SH3BGRL2: variants seen among roughly 807,000 people sequenced by gnomAD.
SH3BGRL2 encodes the protein SH3 domain-binding glutamic acid-rich-like protein 2.
A neutral mutation model predicts 14.8 loss-of-function variants in SH3BGRL2; 21 were observed. The ratio of observed to expected loss-of-function variants is 1.42; its 90% confidence interval spans 1.01 to 2.05. The LOEUF is 2.05. Among genes scored for constraint, SH3BGRL2 ranks in the 30% most tolerant of loss-of-function variants. SH3BGRL2 has a pLI of 0.00. For missense variants in SH3BGRL2, 147 were observed against 130.8 expected (o/e 1.12, Z -0.61); for synonymous variants, 50 against 47.8 (o/e 1.05, Z -0.19).
the SH3BGRL2 span, among the ~76,000 whole-genome samples, chr6:79,593,010 G>A: frequency 6.6e-6 from 1 of 152,142 alleles, no homozygotes; most frequent in African/African-American, 2.4e-5. Context: ...TTACAAATAG[G>A]TGAATTTAAA....
chr6:79,609,060 T>G, the SH3BGRL2 span, among the ~76,000 whole-genome samples: 4 of 152,140 alleles, frequency 2.6e-5, no homozygotes, highest in Non-Finnish European at 5.9e-5. Flanking sequence ...CCAGGCAGGA[T>G]GGAGATTCAA....
chr6:79,652,150 G>A (rs1365296755), intron 1 of SH3BGRL2, among the ~76,000 whole-genome samples: 1 of 152,128 alleles, frequency 6.6e-6, no homozygotes, highest in East Asian at 1.9e-4. Flanking sequence ...ATAGAACTTG[G>A]ATAGGAAGTA....
chr6:79,579,282 T>G, the SH3BGRL2 span, among the ~76,000 whole-genome samples: 1 of 152,088 alleles, frequency 6.6e-6, no homozygotes, highest in African/African-American at 2.4e-5. Context: ...ACATTAAAAT[T>G]CAGGAAATAC....
At chr6:79,576,037 T>A in the SH3BGRL2 span, among the ~76,000 whole-genome samples, 2 of 152,168 alleles carry the variant, frequency 1.3e-5, no homozygotes, top group Non-Finnish European at 2.9e-5. Context: ...AACATTGCTA[T>A]GTAACTAGCA....
At chr6:79,699,406 C>T (rs1770402567) in intron 3 of SH3BGRL2, 92 bp from the exon 4 acceptor site, 1 of 1,354,758 alleles carries the variant, frequency 7.4e-7, no homozygotes, top group Non-Finnish European at 9.7e-7. Flanking sequence ...CTGTTCCTGA[C>T]ATTTAAAAAA....
chr6:79,578,108 A>G, the SH3BGRL2 span, among the ~76,000 whole-genome samples: 1 of 152,222 alleles, frequency 6.6e-6, no homozygotes, highest in African/African-American at 2.4e-5. Flanking sequence ...AGGTAAACAA[A>G]GCAGCCGGGA....
chr6:79,636,224 C>G (rs1183348814), intron 1 of SH3BGRL2, among the ~76,000 whole-genome samples: 1 of 152,132 alleles, frequency 6.6e-6, no homozygotes, highest in Non-Finnish European at 1.5e-5. Flanking sequence ...TTAGTCAAAC[C>G]CTGGTGGGCA....
chr6:79,586,200 A>C, the SH3BGRL2 span, among the ~76,000 whole-genome samples: 1 of 151,118 alleles, frequency 6.6e-6, no homozygotes, highest in Admixed American at 6.6e-5. Flanking sequence ...CTGTCTCAAA[A>C]AAAAAAAAAA....
At chr6:79,597,319 G>GAA in the SH3BGRL2 span, among the ~76,000 whole-genome samples, 1 of 142,230 alleles carries the variant, frequency 7.0e-6, no homozygotes, top group Non-Finnish European at 1.5e-5. Flanking sequence ...GAAAGAAAGA[G>GAA]AAAAGAAAAG....
chr6:79,585,097 C>T, the SH3BGRL2 span, among the ~76,000 whole-genome samples: 1 of 148,162 alleles, frequency 6.7e-6, no homozygotes, highest in African/African-American at 2.5e-5. Flanking sequence ...AATAAAAACA[C>T]ATTATATAAA....
chr6:79,605,100 T>C, the SH3BGRL2 span, among the ~76,000 whole-genome samples: 2 of 152,218 alleles, frequency 1.3e-5, no homozygotes, highest in Non-Finnish European at 2.9e-5. Context: ...GCAGGTCTTA[T>C]GGCTTCTGCT....
intron 2 of SH3BGRL2, among the ~76,000 whole-genome samples, chr6:79,681,888 G>A (rs928234992): frequency 6.6e-6 from 1 of 151,858 alleles, no homozygotes; most frequent in African/African-American, 2.4e-5. Context: ...GGAGGCAGAC[G>A]TTGCAGTGAG....
intron 1 of SH3BGRL2, among the ~76,000 whole-genome samples, chr6:79,651,905 A>G (rs922096386): frequency 1.3e-5 from 2 of 151,974 alleles, no homozygotes; most frequent in Non-Finnish European, 2.9e-5. Context: ...GGGCTAGATA[A>G]CTCATTATTG....
chr6:79,547,452 G>A, the SH3BGRL2 span, among the ~76,000 whole-genome samples: 25 of 152,210 alleles, frequency 1.6e-4, 1 homozygote, highest in South Asian at 5.2e-3. Context: ...CTGTCTGGAG[G>A]CCACATGAAG....
the SH3BGRL2 span, among the ~76,000 whole-genome samples, chr6:79,609,218 A>G: frequency 6.6e-5 from 10 of 152,184 alleles, no homozygotes; most frequent in Admixed American, 1.3e-4. Flanking sequence ...TGGTGTGCTG[A>G]TAGTCAAAGT....
chr6:79,612,928 C>G, the SH3BGRL2 span, among the ~76,000 whole-genome samples: 3 of 152,244 alleles, frequency 2.0e-5, no homozygotes, highest in Admixed American at 6.5e-5. Context: ...CATTCACATG[C>G]ATCTGTATCC....
intron 1 of SH3BGRL2, among the ~76,000 whole-genome samples, chr6:79,657,623 T>A (rs890931359): frequency 2.6e-4 from 39 of 147,950 alleles, no homozygotes; most frequent in Non-Finnish European, 4.6e-4. Flanking sequence ...TTTTTTTTAA[T>A]TTTTTTTTTT....
At chr6:79,629,728 C>T (rs572646495), upstream of SH3BGRL2, among the ~76,000 whole-genome samples, 4 of 152,304 alleles carry the variant, frequency 2.6e-5, no homozygotes, top group East Asian at 7.7e-4. Flanking sequence ...CCACACAACA[C>T]TGTATTAGTA....
chr6:79,538,714 A>G, the SH3BGRL2 span, among the ~76,000 whole-genome samples: 4 of 152,236 alleles, frequency 2.6e-5, no homozygotes, highest in Admixed American at 2.6e-4. Context: ...TACGTGGACA[A>G]ATGTCTGTCA....
Sources: allele counts gnomAD v4.1 joint callset (sites outside exome capture counted in the v4.1 genomes callset), GRCh38; gene constraint gnomAD v4.1.1; transcripts MANE v1.5; gene names NCBI Gene and HGNC (gene_info 2026-07-23, HGNC 2026-07-21).